Variants in ABCB11 observed in about 807,000 individuals in gnomAD.
ABCB11 encodes the protein bile salt export pump.
Under a neutral mutation model 148.0 loss-of-function variants are expected in ABCB11, and 95 were observed. The observed-to-expected ratio is 0.64, with a 90% CI of 0.54 to 0.76. ABCB11 has a LOEUF of 0.76. Ranked by LOEUF, ABCB11 falls within the 30% of genes least tolerant of loss-of-function variation. The pLI is 0.00. For missense variants in ABCB11, 1,523 were observed against 1,617.8 expected (o/e 0.94, Z 1.01); for synonymous variants, 591 against 555.4 (o/e 1.06, Z -0.90).
rs548253086 is a variant in ABCB11 at position 169,019,955 on chromosome 2, C to T, written c.-27-1803G>A. The stretch of plus-strand genomic sequence containing the variant: ...ATAAAACAACAACTAGAGGATGTGC[C>T]TTAGCCAGAAGGAGTATCCAGAAGG... On this transcript the variant is annotated intron_variant, in intron 1 of 27. Transcript: ENST00000650372. Among the ~76,000 whole-genome samples, 2 of 152,250 alleles carry T rather than the reference C, an allele frequency of 1.3e-5. 1 individual carries two copies. Among genetic ancestry groups the T allele is most frequent in the South Asian group, 4.1e-4 (2 of 4,828 alleles).
At chr2:168,974,923 T>C (rs1178699599) in intron 12 of ABCB11, among the ~76,000 whole-genome samples, 1 of 149,454 alleles carries the variant, frequency 6.7e-6, no homozygotes, top group African/African-American at 2.4e-5. Flanking sequence ...AGAATATATA[T>C]TTACTTATGT....
chr2:169,020,250 T>C (rs1695495083), intron 1 of ABCB11, among the ~76,000 whole-genome samples: 1 of 152,138 alleles, frequency 6.6e-6, no homozygotes, highest in Admixed American at 6.5e-5. Flanking sequence ...TAATTAAATA[T>C]ATGTTTGATT....
At position 168,995,482 on chromosome 2, in the gene ABCB11, T is replaced by C. The variant is rs774354809; in HGVS notation, c.478A>G (p.Ile160Val). The change falls in exon 7 of 28, where the codon ATA (isoleucine) becomes GTA (valine). Residue 160 changes from isoleucine to valine, a missense_variant and splice_region_variant. By Grantham distance (29) the Ile-to-Val change is conservative. Transcript: ENST00000650372. Reference sequence around the variant, plus strand: ...GCTGCGGCAATGACCCAAAAGCATATCTGGAAATGGACAAAGGAATGTTTA... The same window carrying C: ...GCTGCGGCAATGACCCAAAAGCATACCTGGAAATGGACAAAGGAATGTTTA... Reference protein sequence around the residue: ...VAVLITGYIQICFWVIAAARQ... With the variant: ...VAVLITGYIQVCFWVIAAARQ... The C allele has an allele frequency of 1.2e-5, 20 of 1,609,178 alleles. No homozygotes were observed. Among genetic ancestry groups the C allele is most frequent in the Admixed American group, 6.7e-5 (4 of 59,310 alleles).
In ABCB11 at chr2:168,921,715, A is replaced by G. The variant is rs138773828; in HGVS notation, c.*1907T>C. 0.012 allele frequency among the ~76,000 whole-genome samples: 1,878 copies of G among 152,138 alleles called. 39 individuals carry two copies. The highest frequency in any genetic ancestry group is 0.042 in the African/African-American group (1,750 of 41,476). On this transcript the variant is annotated 3_prime_UTR_variant, in exon 28 of 28. Coordinates refer to ENST00000650372, the MANE Select transcript of ABCB11 (RefSeq NM_003742.4). The stretch of plus-strand genomic sequence containing the variant: ...GGTCCTTGGAAGTCAATTCCCATGC[A>G]AGGAGGAGACACCAAAAAGCCTGGG...
Position 169,004,789 on chromosome 2 carries a change from G to A in ABCB11, c.390-8067C>T, listed in dbSNP as rs539525084. Among the ~76,000 whole-genome samples the A allele has an allele frequency of 3.3e-5, 5 of 152,254 alleles. No homozygotes were observed. In the South Asian group the frequency reaches 1.0e-3, roughly 32 times the overall value. On this transcript the variant is annotated intron_variant, in intron 5 of 27. Coordinates refer to ENST00000650372, the MANE Select transcript of ABCB11 (RefSeq NM_003742.4). The stretch of plus-strand genomic sequence containing the variant: ...TTATTTGGGTAGACTATGTCAGAGG[G>A]AAGATCTGGGATTCATAGGCTGCTG...
chr2:168,978,868 T>C (rs1694028692), intron 11 of ABCB11, among the ~76,000 whole-genome samples: 1 of 152,032 alleles, frequency 6.6e-6, no homozygotes, highest in African/African-American at 2.4e-5. Flanking sequence ...TACAGGCACA[T>C]GCCATCTTGA....
At chr2:169,018,236 G>A in intron 1 of ABCB11, 84 bp from the exon 2 acceptor site, 1 of 1,282,214 alleles carries the variant, frequency 7.8e-7, no homozygotes, top group Non-Finnish European at 1.1e-6. Flanking sequence ...AGAACAATTT[G>A]GTTCAAGAAA....
At chr2:168,967,848 C>T (rs1693383950) in intron 17 of ABCB11, among the ~76,000 whole-genome samples, 2 of 151,810 alleles carry the variant, frequency 1.3e-5, no homozygotes, top group African/African-American at 4.8e-5. Flanking sequence ...TAGCATACTC[C>T]AAAAATATAT....
At chr2:168,976,837 ATGTATACATTTAT>A in intron 11 of ABCB11, 150 bp from the exon 12 acceptor site, 1 of 479,644 alleles carries the variant, frequency 2.1e-6, no homozygotes, top group South Asian at 3.1e-5. Flanking sequence ...TCAAATGAAG[ATGTATACATTTAT>A]TGTGCCTCTT....
At position 168,930,678 on chromosome 2, in the gene ABCB11, T is replaced by G; in HGVS notation, c.3398A>C (p.Asp1133Ala). ...IQLLERFYDP[D>A]QGKVMIDGHD... ...TGCGTGGCTTACCACCTTCCCTTGA[T>G]CAGGATCATAGAAACGTTCCAACAG... The change falls in exon 25 of 28, where the codon GAT becomes GCT. Residue 1133 changes from aspartate (D) to alanine (A), a missense_variant. Physicochemically the swap from Asp to Ala is moderately radical, Grantham distance 126. Coordinates refer to ENST00000650372, the MANE Select transcript of ABCB11 (RefSeq NM_003742.4). 1 of 1,556,816 alleles carries G rather than the reference T, an allele frequency of 6.4e-7. No homozygotes were observed. The highest frequency in any genetic ancestry group is 1.7e-4 in the Middle Eastern group (1 of 5,804).
intron 17 of ABCB11, among the ~76,000 whole-genome samples, chr2:168,966,223 C>A (rs1693311117): frequency 6.6e-6 from 1 of 151,824 alleles, no homozygotes; most frequent in Admixed American, 6.6e-5. Context: ...GACTTAAGGT[C>A]AAGGACCTAA....
chr2:168,964,438 A>G, intron 17 of ABCB11, 130 bp from the exon 18 acceptor site: 1 of 747,760 alleles, frequency 1.3e-6, no homozygotes, highest in South Asian at 1.8e-5. Context: ...GTAACCAGGA[A>G]AGGGAGCTTG....
chr2:168,932,173 G>A (rs1691598559), intron 24 of ABCB11, among the ~76,000 whole-genome samples: 1 of 151,942 alleles, frequency 6.6e-6, no homozygotes, highest in African/African-American at 2.4e-5. Context: ...ACCATCCCCT[G>A]ACAGGCCCCG....
intron 19 of ABCB11, among the ~76,000 whole-genome samples, chr2:168,956,886 G>A (rs853774): frequency 0.28 from 42,930 of 151,502 alleles, 7,659 homozygotes; most frequent in East Asian, 0.48. Flanking sequence ...AGCCCTGGAT[G>A]TTTCTCTCTT....
chr2:168,969,549 A>C lies in ABCB11; in HGVS notation c.1812T>G (p.Ile604Met). 3 of 1,611,802 alleles carry C rather than the reference A, an allele frequency of 1.9e-6. No individual in the cohort carries two copies. ...CTGAAATGATTGTGTGCCCATGCTG[A>C]ATCTGTAAGAATGTACAGTGCACCA... is the stretch of plus-strand genomic sequence containing the variant. The part of the protein sequence containing the change: ...EAMVQEVLSK[I>M]QHGHTIISVA... The change falls in exon 16 of 28, where the codon ATT becomes ATG. Residue 604 changes from isoleucine (I) to methionine (M), a missense_variant and splice_region_variant. Ile to Met is a conservative substitution (Grantham distance 10). Coordinates refer to ENST00000650372, the MANE Select transcript of ABCB11 (RefSeq NM_003742.4).
intron 15 of ABCB11, 42 bp from the exon 16 acceptor site, chr2:168,969,593 C>T: frequency 1.3e-6 from 2 of 1,524,070 alleles, no homozygotes; most frequent in South Asian, 1.1e-5. Context: ...AACTGTGAGA[C>T]AGAGCTGACA....
In ABCB11 at chr2:169,016,805, A is replaced by G; in HGVS notation, c.77-6T>C. On this transcript the variant is annotated splice_region_variant and splice_polypyrimidine_tract_variant and intron_variant, in intron 2 of 27. Coordinates refer to ENST00000650372, the MANE Select transcript of ABCB11 (RefSeq NM_003742.4). ...TGATTTCTTATCATTATTATCTGTC[A>G]GAAAAAAAAATCAACGCAAAAAAGC... 6.3e-7 allele frequency: 1 copy of G among 1,587,614 alleles called. No individual in the cohort carries two copies. The highest frequency in any genetic ancestry group is 8.6e-7 in the Non-Finnish European group (1 of 1,166,352).
intron 19 of ABCB11, among the ~76,000 whole-genome samples, chr2:168,951,243 T>G (rs1357109531): frequency 2.6e-5 from 4 of 151,700 alleles, no homozygotes; most frequent in Non-Finnish European, 4.4e-5. Context: ...GCTCTTTTTT[T>G]TAGTTCCATG....
Position 168,932,452 on chromosome 2 carries a change from T to C in ABCB11, c.3138A>G (p.Ile1046Met). The C allele has an allele frequency of 6.2e-7, 1 of 1,612,320 alleles. No homozygotes were observed. The highest frequency in any genetic ancestry group is 8.5e-7 in the Non-Finnish European group (1 of 1,179,188). ...GCAGTTGAAAAAAGCGTGCAGCTGA[T>C]ATTTTAGCTTTTGCATAACTTGGGG... Reference protein sequence around the residue: ...SYTPSYAKAKISAARFFQLLD... With the variant: ...SYTPSYAKAKMSAARFFQLLD... Residue 1046 changes from isoleucine to methionine, a missense_variant, in exon 24 of 28, where the codon ATA becomes ATG. Physicochemically the swap from Ile to Met is conservative, Grantham distance 10 (BLOSUM62 1). Coordinates refer to ENST00000650372, the MANE Select transcript of ABCB11 (RefSeq NM_003742.4).
Sources: gnomAD v4.1 joint callset for allele counts (sites outside exome capture counted in the v4.1 genomes callset) on GRCh38, gnomAD v4.1.1 for gene constraint, MANE v1.5 for transcripts, NCBI Gene and HGNC (gene_info 2026-07-23, HGNC 2026-07-21) for gene names.